The following ANO6 variants were observed in gnomAD, a reference collection of about 807,000 sequenced individuals.
The protein encoded by ANO6 is anoctamin-6.
In ANO6, 106 loss-of-function variants were observed where a neutral mutation model predicts 117.5. The ratio of observed to expected loss-of-function variants is 0.90; its 90% CI spans 0.77 to 1.06. ANO6 has a LOEUF of 1.06. ANO6 is among the 50% of genes least tolerant of loss of function. ANO6 has a pLI of 0.00. For missense variants in ANO6, 955 were observed against 1,121.1 expected, an observed-to-expected ratio of 0.85 and a Z score of 2.12; for synonymous variants, 367 against 385.1, an observed-to-expected ratio of 0.95 and a Z score of 0.55.
intron 19 of ANO6, among the ~76,000 whole-genome samples, chr12:45,424,631 C>G (rs904482155): frequency 2.0e-4 from 31 of 152,076 alleles, no homozygotes; most frequent in Non-Finnish European, 5.9e-5. Context: ...GCCACTGCGC[C>G]CGGCCTAGGT....
chr12:45,318,344 C>A (rs1592957592), intron 2 of ANO6, among the ~76,000 whole-genome samples: 1 of 152,198 alleles, frequency 6.6e-6, no homozygotes, highest in Non-Finnish European at 1.5e-5. Context: ...CTACATATGG[C>A]TAGCCAATTT....
intron 18 of ANO6, among the ~76,000 whole-genome samples, chr12:45,422,403 T>A (rs1943388008): frequency 6.6e-6 from 1 of 152,154 alleles, no homozygotes; most frequent in Admixed American, 6.5e-5. Flanking sequence ...ACTTTAGTTC[T>A]TTTATAAAGA....
chr12:45,228,042 A>T lies in ANO6; in HGVS notation c.70+11651A>T, dbSNP rs186340841. 2.0e-4 allele frequency: 45 copies of T among 227,364 alleles called. No individual in the cohort carries two copies. In the East Asian group the frequency reaches 6.0e-3, roughly 31 times the overall value. The allele number at this position is 227,364 out of a possible 1,614,324, so 14.1% of individuals were successfully genotyped here. ...AGGGGCTGACACACAGTGGCTCCCA[A>T]TAAATGGCTCATGAATGTAGGGATT... On this transcript the variant is annotated intron_variant, in intron 1 of 19. Coordinates refer to ENST00000320560, the MANE Select transcript of ANO6 (RefSeq NM_001025356.3).
intron 19 of ANO6, among the ~76,000 whole-genome samples, chr12:45,437,849 A>G (rs1033360687): frequency 2.0e-5 from 3 of 152,148 alleles, no homozygotes; most frequent in Non-Finnish European, 4.4e-5. Flanking sequence ...GATTACAGGC[A>G]TGAGCCACCA....
intron 2 of ANO6, among the ~76,000 whole-genome samples, chr12:45,321,946 G>A (rs1009816296): frequency 6.6e-6 from 1 of 152,152 alleles, no homozygotes; most frequent in African/African-American, 2.4e-5. Context: ...CTTAAGGGAA[G>A]TGACAACTTG....
intron 19 of ANO6, among the ~76,000 whole-genome samples, chr12:45,426,474 C>T (rs1261553734): frequency 6.6e-6 from 1 of 152,116 alleles, no homozygotes; most frequent in Non-Finnish European, 1.5e-5. Context: ...ATGCTGTCCT[C>T]GATTCCTCTA....
chr12:45,422,812 G>T lies in ANO6; in HGVS notation c.2421-145G>T, dbSNP rs112777139. On this transcript the variant is annotated intron_variant, in intron 18 of 19. Coordinates refer to ENST00000320560, the MANE Select transcript of ANO6 (RefSeq NM_001025356.3). The stretch of plus-strand genomic sequence containing the variant: ...TGGTGTCGCACTCCTGGCCTCAAGT[G>T]ATCCACATGCCTCAGCCTCCCAAAG... 2,924 of 705,706 alleles carry T rather than the reference G, an allele frequency of 4.1e-3. 48 individuals carry two copies. In the African/African-American group the frequency reaches 0.046, roughly 11 times the overall value. The allele number at this position is 705,706 out of a possible 1,614,324, so 43.7% of individuals were successfully genotyped here.
intron 19 of ANO6, among the ~76,000 whole-genome samples, chr12:45,424,335 T>TTGTTG (rs1368753111): frequency 8.2e-6 from 1 of 122,636 alleles, no homozygotes; most frequent in African/African-American, 3.0e-5. Context: ...GGGTTTTTTT[T>TTGTTG]TTTTTTTTTT....
At chr12:45,281,341 A>G (rs13377986) in intron 1 of ANO6, among the ~76,000 whole-genome samples, 1,690 of 152,082 alleles carry the variant, frequency 0.011, 30 homozygotes, top group African/African-American at 0.039. Flanking sequence ...ATGTTATTCC[A>G]TTCTTGTGTT....
intron 2 of ANO6, among the ~76,000 whole-genome samples, chr12:45,302,827 A>C (rs1939540639): frequency 6.6e-6 from 1 of 152,148 alleles, no homozygotes; most frequent in Non-Finnish European, 1.5e-5. Flanking sequence ...ATTGCACCAG[A>C]TATGTAGGAA....
intron 16 of ANO6, among the ~76,000 whole-genome samples, chr12:45,414,068 A>T (rs867845053): frequency 1.1e-4 from 16 of 152,086 alleles, no homozygotes; most frequent in African/African-American, 3.6e-4. Flanking sequence ...AGCCACTGGC[A>T]AAGTTAGCAA....
intron 9 of ANO6, among the ~76,000 whole-genome samples, chr12:45,376,778 A>C (rs979057396): frequency 1.3e-5 from 2 of 151,802 alleles, no homozygotes; most frequent in Non-Finnish European, 2.9e-5. Context: ...GGTGCAGCGC[A>C]CCAACATGGC....
At chr12:45,260,024 T>G (rs1167177076) in intron 1 of ANO6, among the ~76,000 whole-genome samples, 1 of 152,258 alleles carries the variant, frequency 6.6e-6, no homozygotes, top group Non-Finnish European at 1.5e-5. Context: ...TCTGTGCAGC[T>G]GTAATAACCT....
At chr12:45,388,619 A>G (rs919363910) in intron 11 of ANO6, among the ~76,000 whole-genome samples, 4 of 152,224 alleles carry the variant, frequency 2.6e-5, no homozygotes, top group African/African-American at 9.6e-5. Context: ...ACATAGTGAT[A>G]TAAGGAAAGA....
At chr12:45,244,479 G>A (rs1201894145) in intron 1 of ANO6, among the ~76,000 whole-genome samples, 3 of 151,734 alleles carry the variant, frequency 2.0e-5, no homozygotes, top group African/African-American at 4.9e-5. Flanking sequence ...TCAACTGTAT[G>A]GAAAATGTGT....
intron 9 of ANO6, among the ~76,000 whole-genome samples, chr12:45,370,702 G>T (rs991260729): frequency 1.3e-5 from 2 of 152,212 alleles, no homozygotes; most frequent in Non-Finnish European, 2.9e-5. Flanking sequence ...ATTTGGAGAA[G>T]ATGGTTCCAT....
At chr12:45,432,493 A>G (rs779031793), downstream of ANO6, 85 of 235,618 alleles carry the variant, frequency 3.6e-4, no homozygotes, top group Middle Eastern at 2.0e-3. Context: ...GAGATTTGCT[A>G]TGGATTTTTA....
intron 1 of ANO6, among the ~76,000 whole-genome samples, chr12:45,247,837 C>T (rs921440921): frequency 6.6e-6 from 1 of 152,168 alleles, no homozygotes; most frequent in South Asian, 2.1e-4. Flanking sequence ...TCCAAAGGCC[C>T]CATCTCTCCA....
intron 1 of ANO6, among the ~76,000 whole-genome samples, chr12:45,239,405 A>C (rs1303685224): frequency 1.3e-5 from 2 of 151,678 alleles, no homozygotes; most frequent in Non-Finnish European, 2.9e-5. Context: ...ATCATTTTTT[A>C]TTGCATCTAT....
Sources: gnomAD v4.1 joint callset for allele counts (sites outside exome capture counted in the v4.1 genomes callset) on GRCh38, gnomAD v4.1.1 for gene constraint, MANE v1.5 for transcripts, NCBI Gene and HGNC (gene_info 2026-07-23, HGNC 2026-07-21) for gene names.